The following PPP4R3B variants were observed in gnomAD, a reference collection of about 807,000 sequenced individuals.
PPP4R3B encodes protein phosphatase 4 regulatory subunit 3B, also known as serine/threonine-protein phosphatase 4 regulatory subunit 3B.
Under a neutral mutation model 95.4 loss-of-function variants are expected in PPP4R3B, and 52 were observed. The observed-to-expected ratio is 0.54, with a 90% CI of 0.44 to 0.69. The LOEUF (loss-of-function observed/expected upper bound fraction) is 0.69. Among genes scored for constraint, PPP4R3B ranks in the 30% least tolerant of loss-of-function variants. The pLI is 0.00. For missense variants in PPP4R3B, 1,003 were observed against 1,005.9 expected (o/e 1.00, Z 0.04); for synonymous variants, 407 against 343.9 (o/e 1.18, Z -2.03).
chr2:55,556,830 G>A (rs1685906318), intron 16 of PPP4R3B, among the ~76,000 whole-genome samples: 1 of 152,130 alleles, frequency 6.6e-6, no homozygotes, highest in South Asian at 2.1e-4. Flanking sequence ...ACTGTGGGAA[G>A]CTGAGCAGGA....
At chr2:55,582,963 AC>A (rs1558996557) in intron 7 of PPP4R3B, among the ~76,000 whole-genome samples, 1 of 152,126 alleles carries the variant, frequency 6.6e-6, no homozygotes, top group Non-Finnish European at 1.5e-5. Flanking sequence ...TGCTAAATTT[AC>A]CCTTTCTGCT....
intron 3 of PPP4R3B, among the ~76,000 whole-genome samples, chr2:55,600,425 T>G (rs1402970928): frequency 2.9e-4 from 1 of 3,502 alleles, no homozygotes; most frequent in Non-Finnish European, 8.1e-4. Flanking sequence ...AAACTCTGTC[T>G]CAAAAAAAAA....
At chr2:55,603,252 T>TG (rs2103744976) in intron 3 of PPP4R3B, among the ~76,000 whole-genome samples, 1 of 152,278 alleles carries the variant, frequency 6.6e-6, no homozygotes, top group East Asian at 1.9e-4. Flanking sequence ...CGCGTCCGGA[T>TG]GGACAAATAC....
intron 1 of PPP4R3B, among the ~76,000 whole-genome samples, 158 bp downstream of exon 1, chr2:55,616,986 A>G (rs915158650): frequency 2.0e-5 from 3 of 152,132 alleles, no homozygotes; most frequent in Non-Finnish European, 4.4e-5. Context: ...AAGTCCAGTC[A>G]AAAGTACAGT....
intron 2 of PPP4R3B, among the ~76,000 whole-genome samples, chr2:55,613,597 T>C (rs185610813): frequency 5.9e-5 from 9 of 152,262 alleles, no homozygotes; most frequent in Admixed American, 2.0e-4. Context: ...ACAGAATCAC[T>C]ATGTATTTTT....
chr2:55,591,571 A>C, intron 4 of PPP4R3B: 1 of 984,082 alleles, frequency 1.0e-6, no homozygotes, highest in Non-Finnish European at 1.2e-6. Context: ...TTCATCCTTT[A>C]CTACCTGAAA....
intron 4 of PPP4R3B, among the ~76,000 whole-genome samples, chr2:55,593,265 G>A (rs1417600919): frequency 6.6e-6 from 1 of 152,168 alleles, no homozygotes; most frequent in African/African-American, 2.4e-5. Flanking sequence ...AGTCACTAAA[G>A]TCTTATGTCC....
chr2:55,607,346 C>T (rs940451058), intron 2 of PPP4R3B, among the ~76,000 whole-genome samples: 3 of 152,208 alleles, frequency 2.0e-5, no homozygotes, highest in Non-Finnish European at 4.4e-5. Flanking sequence ...CCCCCTACTT[C>T]TAATGCCAAT....
At chr2:55,558,608 A>AAAAAT (rs535280107) in intron 16 of PPP4R3B, among the ~76,000 whole-genome samples, 167 bp downstream of exon 16, 162 of 152,304 alleles carry the variant, frequency 1.1e-3, no homozygotes, top group African/African-American at 3.2e-3. Flanking sequence ...CTCTGTCTCA[A>AAAAAT]AAAATAAAAT....
intron 2 of PPP4R3B, among the ~76,000 whole-genome samples, chr2:55,610,229 G>T (rs914122655): frequency 4.6e-5 from 7 of 151,978 alleles, no homozygotes; most frequent in African/African-American, 1.4e-4. Flanking sequence ...TTCATTTTTT[G>T]TATCTGAATT....
At chr2:55,593,857 C>T (rs1691374264) in intron 4 of PPP4R3B, among the ~76,000 whole-genome samples, 1 of 152,142 alleles carries the variant, frequency 6.6e-6, no homozygotes, top group South Asian at 2.1e-4. Context: ...AAGACACCTG[C>T]ACTTGTATAT....
At chr2:55,564,095 A>C (rs938238557) in intron 15 of PPP4R3B, among the ~76,000 whole-genome samples, 1 of 152,236 alleles carries the variant, frequency 6.6e-6, no homozygotes, top group Non-Finnish European at 1.5e-5. Context: ...GCAAATTAAC[A>C]GCATTACAAA....
chr2:55,596,789 CCT>C (rs1210837346), intron 4 of PPP4R3B, among the ~76,000 whole-genome samples: 3 of 152,018 alleles, frequency 2.0e-5, no homozygotes, highest in Middle Eastern at 3.2e-3. Flanking sequence ...ATGGTGAAAC[CCT>C]GTTTCTACTA....
intron 11 of PPP4R3B, 46 bp downstream of exon 11, chr2:55,577,269 A>T (rs371519780): frequency 1.2e-4 from 185 of 1,515,212 alleles, no homozygotes; most frequent in Middle Eastern, 5.3e-4. Context: ...GAGTAGAAAA[A>T]AGTTTATAAT....
At chr2:55,594,655 T>C (rs1691516191) in intron 4 of PPP4R3B, among the ~76,000 whole-genome samples, 1 of 152,204 alleles carries the variant, frequency 6.6e-6, no homozygotes, top group Non-Finnish European at 1.5e-5. Context: ...CATATGAGCT[T>C]CTGTTCCTGG....
rs1695123692 is a variant in PPP4R3B at position 55,617,438 on chromosome 2, G to C, written c.-153C>G. The C allele has an allele frequency of 2.2e-6, 2 of 914,342 alleles. No individual in the cohort carries two copies. Among genetic ancestry groups the C allele is most frequent in the Non-Finnish European group, 3.0e-6 (2 of 659,254 alleles). 56.6% of individuals were successfully genotyped at this position (914,342 alleles called of 1,614,324 possible). A position where few individuals can be genotyped will look rare whatever the true frequency, so the allele number is the denominator to read the frequency against. On this transcript the variant is annotated 5_prime_UTR_variant, in exon 1 of 17. Transcript: ENST00000616407. ...TCACCATGGCTCCAAAGGTTCAGCC[G>C]CGAGAAGGGGTGACAAGAGCCACTG...
At chr2:55,575,354 G>C (rs1688545598) in intron 11 of PPP4R3B, among the ~76,000 whole-genome samples, 1 of 152,098 alleles carries the variant, frequency 6.6e-6, no homozygotes, top group Admixed American at 6.5e-5. Flanking sequence ...AAATGATTTT[G>C]AACTGCATCC....
At chr2:55,607,212 C>G (rs1290759098) in intron 2 of PPP4R3B, among the ~76,000 whole-genome samples, 1 of 152,148 alleles carries the variant, frequency 6.6e-6, no homozygotes, top group Non-Finnish European at 1.5e-5. Flanking sequence ...GAGGATTTCT[C>G]CCCACCAATA....
chr2:55,556,005 CA>C (rs1049834068), intron 16 of PPP4R3B, among the ~76,000 whole-genome samples: 1 of 152,116 alleles, frequency 6.6e-6, no homozygotes, highest in Non-Finnish European at 1.5e-5. Context: ...ATCATAAAAA[CA>C]AATGTTTTAA....
Sources: allele counts gnomAD v4.1 joint callset (sites outside exome capture counted in the v4.1 genomes callset), GRCh38; gene constraint gnomAD v4.1.1; transcripts MANE v1.5; gene names NCBI Gene and HGNC (gene_info 2026-07-23, HGNC 2026-07-21).